The following EMSY variants were observed in gnomAD, a reference collection of about 807,000 sequenced individuals.
EMSY encodes the protein EMSY transcriptional repressor, BRCA2 interacting, also known as BRCA2-interacting transcriptional repressor EMSY.
EMSY carries 26 observed loss-of-function variants against 134.6 expected under a neutral mutation model. That is an observed-to-expected ratio of 0.19 (90% CI 0.14 to 0.27). The LOEUF is 0.27. Among genes scored for constraint, EMSY ranks in the 10% least tolerant of loss-of-function variants. The pLI is 1.00. For missense variants in EMSY, 1,305 were observed against 1,611.4 expected, an observed-to-expected ratio of 0.81 and a Z score of 3.26; for synonymous variants, 579 against 577.8, an observed-to-expected ratio of 1.00 and a Z score of -0.03.
intron 2 of EMSY, 110 bp downstream of exon 2, chr11:76,447,118 C>A: frequency 9.8e-7 from 1 of 1,021,986 alleles, no homozygotes; most frequent in Non-Finnish European, 1.5e-6. Context: ...ATCAGAAATT[C>A]TTTGGAGATA....
At chr11:76,500,897 C>T (rs55837824) in intron 9 of EMSY, among the ~76,000 whole-genome samples, 16,787 of 152,190 alleles carry the variant, frequency 0.11, 1,196 homozygotes, top group Non-Finnish European at 0.17. Flanking sequence ...GAGGGGAAAC[C>T]AGTACCCAGG....
At chr11:76,536,155 T>TTTA (rs1591004780) in intron 15 of EMSY, 96 bp downstream of exon 16, 1 of 780,392 alleles carries the variant, frequency 1.3e-6, no homozygotes, top group Non-Finnish European at 1.7e-6. Flanking sequence ...ATTACTATTA[T>TTTA]TTATTATTAT....
chr11:76,514,962 T>C (rs1950397547), intron 10 of EMSY, among the ~76,000 whole-genome samples: 1 of 152,196 alleles, frequency 6.6e-6, no homozygotes, highest in Non-Finnish European at 1.5e-5. Flanking sequence ...TGTGTTATAA[T>C]AAGTGTTTCT....
intron 7 of EMSY, among the ~76,000 whole-genome samples, chr11:76,469,304 G>A (rs1948481536): frequency 6.6e-6 from 1 of 151,988 alleles, no homozygotes; most frequent in South Asian, 2.1e-4. Context: ...TTCTTATCTG[G>A]GCCTCAAAGT....
chr11:76,538,084 C>G (rs1266691213), intron 16 of EMSY, 134 bp downstream of exon 17: 7 of 754,732 alleles, frequency 9.3e-6, no homozygotes, highest in Non-Finnish European at 1.4e-5. Context: ...CAAATTCACA[C>G]CATCCTTGGG....
chr11:76,530,742 T>C (rs188011901), intron 14 of EMSY, among the ~76,000 whole-genome samples: 301 of 152,300 alleles, frequency 2.0e-3, no homozygotes, highest in African/African-American at 7.1e-3. Context: ...TTACAAAGAC[T>C]AGGTCTGGGA....
intron 15 of EMSY, among the ~76,000 whole-genome samples, 175 bp from the exon 17 acceptor site, chr11:76,537,619 AG>A (rs1350025281): frequency 1.3e-5 from 2 of 152,228 alleles, no homozygotes; most frequent in Non-Finnish European, 2.9e-5. Context: ...TGGTTATGCA[AG>A]TTGTGCACTA....
At chr11:76,463,760 T>C in intron 6 of EMSY, 61 bp from the exon 8 acceptor site, 1 of 1,544,418 alleles carries the variant, frequency 6.5e-7, no homozygotes, top group Admixed American at 1.9e-5. Flanking sequence ...ATTTTAAAAA[T>C]AAAGTGTATA....
intron 17 of EMSY, 71 bp downstream of exon 18, chr11:76,539,711 A>C (rs1041558538): frequency 1.4e-6 from 2 of 1,394,340 alleles, no homozygotes; most frequent in Non-Finnish European, 2.0e-6. Context: ...AACCGCTTAA[A>C]TGGATGCGCT....
intron 8 of EMSY, among the ~76,000 whole-genome samples, chr11:76,487,338 C>T (rs1022120776): frequency 2.0e-5 from 3 of 152,148 alleles, no homozygotes; most frequent in Admixed American, 1.3e-4. Context: ...AAACAGGATA[C>T]AGTAGCCTTT....
chr11:76,538,552 A>C, intron 16 of EMSY, among the ~76,000 whole-genome samples: 1 of 152,114 alleles, frequency 6.6e-6, no homozygotes, highest in East Asian at 1.9e-4. Flanking sequence ...TGAGCCACTG[A>C]GCCTGGCCTA....
intron 6 of EMSY, 178 bp downstream of exon 7, chr11:76,460,263 A>G: frequency 1.4e-6 from 1 of 694,074 alleles, no homozygotes; most frequent in Non-Finnish European, 2.4e-6. Context: ...TGCTTTTTTA[A>G]TCAGTTCTGG....
chr11:76,538,207 G>A (rs1363246496), intron 16 of EMSY, among the ~76,000 whole-genome samples: 1 of 152,158 alleles, frequency 6.6e-6, no homozygotes, highest in Non-Finnish European at 1.5e-5. Context: ...AGCAACAGTT[G>A]TAGGGAGAGG....
intron 12 of EMSY, among the ~76,000 whole-genome samples, chr11:76,526,167 A>G (rs1590976599): frequency 6.6e-6 from 1 of 152,198 alleles, no homozygotes; most frequent in Non-Finnish European, 1.5e-5. Context: ...CTATTATAAT[A>G]TATGTATTCC....
At chr11:76,470,547 G>T (rs1339468984) in intron 7 of EMSY, among the ~76,000 whole-genome samples, 2 of 151,924 alleles carry the variant, frequency 1.3e-5, no homozygotes, top group African/African-American at 4.8e-5. Flanking sequence ...AAAATAATCT[G>T]ACTTTGATCA....
exon 19 of EMSY, chr11:76,544,303 T>G: frequency 6.2e-7 from 1 of 1,614,166 alleles, no homozygotes; most frequent in South Asian, 1.1e-5. Flanking sequence ...GCGAGGAACT[T>G]GGAACTGAGG....
intron 7 of EMSY, 138 bp downstream of exon 8, chr11:76,464,218 T>TA: frequency 8.9e-7 from 1 of 1,119,670 alleles, no homozygotes; most frequent in Non-Finnish European, 1.3e-6. Flanking sequence ...TTTGTTTAAT[T>TA]TTCCAGATAA....
intron 16 of EMSY, 75 bp from the exon 18 acceptor site, chr11:76,539,524 T>C: frequency 6.2e-6 from 9 of 1,459,822 alleles, no homozygotes; most frequent in Non-Finnish European, 8.6e-6. Flanking sequence ...ATAAATAACC[T>C]CTGGGGGTAG....
intron 8 of EMSY, among the ~76,000 whole-genome samples, chr11:76,483,761 G>C (rs1308644316): frequency 1.3e-5 from 2 of 152,106 alleles, no homozygotes; most frequent in Non-Finnish European, 2.9e-5. Context: ...AGTTCTTAGA[G>C]ACCTACAAAG....
Sources: gnomAD v4.1 joint callset for allele counts (sites outside exome capture counted in the v4.1 genomes callset) on GRCh38, gnomAD v4.1.1 for gene constraint, MANE v1.5 for transcripts, NCBI Gene and HGNC (gene_info 2026-07-23, HGNC 2026-07-21) for gene names.